TRIM51G: variants seen among roughly 807,000 people sequenced by gnomAD.
The protein encoded by TRIM51G is tripartite motif-containing 51G.
the TRIM51G span, chr11:48,981,156 A>T: frequency 2.1e-6 from 3 of 1,402,166 alleles, no homozygotes; most frequent in Non-Finnish European, 2.9e-6. Context: ...AGAGGTGTGA[A>T]GTCAAGGAAG....
At chr11:48,979,734 G>A in the TRIM51G span, among the ~76,000 whole-genome samples, 1 of 150,538 alleles carries the variant, frequency 6.6e-6, no homozygotes, top group Non-Finnish European at 1.5e-5. Context: ...CTCAAATATA[G>A]GTATATATGG....
At chr11:48,978,826 T>A in the TRIM51G span, 2 of 853,560 alleles carry the variant, frequency 2.3e-6, no homozygotes, top group South Asian at 1.3e-5. Context: ...AAAACACCCA[T>A]CCACTTGAAT....
At chr11:48,977,239 A>C in the TRIM51G span, 1 of 761,812 alleles carries the variant, frequency 1.3e-6, no homozygotes, top group Non-Finnish European at 2.3e-6. Flanking sequence ...CATAAGAATC[A>C]CCACCTTTAT....
chr11:48,981,560 T>G, the TRIM51G span: 2 of 1,601,466 alleles, frequency 1.2e-6, no homozygotes, highest in East Asian at 4.5e-5. Flanking sequence ...AGAACTGCCA[T>G]GTCTTGCCAG....
chr11:48,975,587 C>T, the TRIM51G span: 3 of 1,385,516 alleles, frequency 2.2e-6, no homozygotes, highest in East Asian at 4.6e-5. Context: ...CTATCCACAT[C>T]AACAAAGCTC....
chr11:48,976,122 A>G, the TRIM51G span: 3 of 355,938 alleles, frequency 8.4e-6, no homozygotes, highest in African/African-American at 2.1e-5. Flanking sequence ...GGACAGGAGA[A>G]TTTTGATTAC....
chr11:48,980,677 T>A, the TRIM51G span, among the ~76,000 whole-genome samples: 5 of 152,148 alleles, frequency 3.3e-5, no homozygotes, highest in African/African-American at 9.7e-5. Flanking sequence ...GCTATAGGTT[T>A]GTATGGAAAC....
the TRIM51G span, among the ~76,000 whole-genome samples, chr11:48,979,776 G>A: frequency 7.0e-6 from 1 of 142,852 alleles, no homozygotes; most frequent in Non-Finnish European, 1.5e-5. Flanking sequence ...GTATCTGTGT[G>A]TACATATATA....
chr11:48,981,269 C>G, the TRIM51G span: 1 of 1,603,280 alleles, frequency 6.2e-7, no homozygotes, highest in Admixed American at 1.7e-5. Flanking sequence ...AATAGATCTT[C>G]AGAGGCATCA....
chr11:48,978,797 C>T, the TRIM51G span: 12 of 703,294 alleles, frequency 1.7e-5, no homozygotes, highest in East Asian at 8.2e-5. Flanking sequence ...AAGGGGGAGA[C>T]GGATTTCAGG....
the TRIM51G span, chr11:48,981,405 T>C: frequency 6.2e-7 from 1 of 1,607,934 alleles, no homozygotes; most frequent in East Asian, 2.2e-5. Context: ...CCTTTGTCTC[T>C]CTGTGCGTCC....
chr11:48,981,717 G>A, the TRIM51G span: 2 of 1,596,192 alleles, frequency 1.3e-6, no homozygotes, highest in Non-Finnish European at 1.7e-6. Context: ...AGAAAGAGCA[G>A]CATGTCATTT....
chr11:48,981,691 T>A, the TRIM51G span: 1 of 1,598,474 alleles, frequency 6.3e-7, no homozygotes, highest in Non-Finnish European at 8.6e-7. Context: ...GATTCCAGAA[T>A]TCATGTTTCT....
the TRIM51G span, among the ~76,000 whole-genome samples, chr11:48,979,449 T>A: frequency 1.3e-5 from 2 of 152,128 alleles, no homozygotes; most frequent in African/African-American, 4.8e-5. Context: ...TTTGGAGAAT[T>A]GGGGCAAGTT....
the TRIM51G span, among the ~76,000 whole-genome samples, chr11:48,983,815 T>C: frequency 6.6e-6 from 1 of 151,940 alleles, no homozygotes; most frequent in Non-Finnish European, 1.5e-5. Flanking sequence ...AGATCAGGAG[T>C]TCATTCCCTG....
chr11:48,980,964 T>C, the TRIM51G span: 1 of 519,692 alleles, frequency 1.9e-6, no homozygotes, highest in Non-Finnish European at 3.9e-6. Flanking sequence ...TTCACACATT[T>C]TTCTCCATAA....
chr11:48,981,194 C>A, the TRIM51G span: 1 of 1,555,352 alleles, frequency 6.4e-7, no homozygotes, highest in East Asian at 2.3e-5. Context: ...TAAGGGGGCA[C>A]AGAGATGGCA....
chr11:48,982,055 A>C, the TRIM51G span, among the ~76,000 whole-genome samples: 1 of 152,136 alleles, frequency 6.6e-6, no homozygotes, highest in East Asian at 1.9e-4. Flanking sequence ...ATAACTACTG[A>C]ATGACTGTGG....
chr11:48,977,251 T>A, the TRIM51G span: 3 of 715,614 alleles, frequency 4.2e-6, no homozygotes, highest in South Asian at 4.4e-5. Context: ...CACCTTTATT[T>A]AAAAGACATT....
Sources: allele counts gnomAD v4.1 joint callset (sites outside exome capture counted in the v4.1 genomes callset), GRCh38; gene constraint gnomAD v4.1.1; transcripts MANE v1.5; gene names NCBI Gene and HGNC (gene_info 2026-07-23, HGNC 2026-07-21).